The following UNC45A variants were observed in gnomAD, a reference collection of about 807,000 sequenced individuals.
UNC45A encodes unc-45 myosin chaperone A.
Under a neutral mutation model 103.2 loss-of-function variants are expected in UNC45A, and 78 were observed. The observed-to-expected ratio is 0.76, with a 90% CI of 0.63 to 0.91. UNC45A has a LOEUF of 0.91. UNC45A is among the 40% of genes least tolerant of loss of function. The pLI is 0.00. For synonymous variants in UNC45A, 495 were observed against 504.6 expected, an observed-to-expected ratio of 0.98 and a Z score of 0.25; for missense variants, 1,193 against 1,224.8, an observed-to-expected ratio of 0.97 and a Z score of 0.39.
chr15:90,936,225 C>G, intron 3 of UNC45A, 60 bp from the exon 4 acceptor site: 1 of 1,557,786 alleles, frequency 6.4e-7, no homozygotes, highest in Non-Finnish European at 8.7e-7. Context: ...TCTTTCCCTA[C>G]TGCTCTTGCC....
Position 90,946,870 on chromosome 15 carries a change from T to C in UNC45A, c.1456T>C (p.Tyr486His). 1.2e-6 allele frequency: 2 copies of C among 1,605,860 alleles called. No homozygotes were observed. The highest frequency in any genetic ancestry group is 1.7e-6 in the Non-Finnish European group (2 of 1,174,974). ...ANGVSLLKDLYKCSEKDSIRI... is the reference protein window; with the variant it reads ...ANGVSLLKDLHKCSEKDSIRI... ...TGGTGTCTCGCTGCTGAAGGACCTA[T>C]ATAAGTGCAGCGAGAAGGACAGCAT... The change falls in exon 10 of 20, where the codon TAT becomes CAT. Residue 486 changes from tyrosine to histidine, a missense_variant. Transcript: ENST00000418476.
chr15:90,942,468 G>A lies in UNC45A; in HGVS notation c.719G>A (p.Arg240Gln), dbSNP rs145502142. The change falls in exon 7 of 20, where the codon CGG becomes CAG. Residue 240 changes from arginine (R) to glutamine (Q), a missense_variant. Coordinates refer to ENST00000418476, the MANE Select transcript of UNC45A (RefSeq NM_018671.5). Reference protein sequence around the residue: ...TVATLSILGTRRVVSILGVES... With the variant: ...TVATLSILGTQRVVSILGVES... Reference sequence around the variant, plus strand: ...GCAACCCTGAGCATACTGGGAACTCGGCGAGTAGTCTCCATCCTGGGCGTG... The same window carrying A: ...GCAACCCTGAGCATACTGGGAACTCAGCGAGTAGTCTCCATCCTGGGCGTG... 570 of 1,613,748 alleles carry A rather than the reference G, an allele frequency of 3.5e-4. No individual in the cohort carries two copies. The highest frequency in any genetic ancestry group is 4.5e-4 in the Non-Finnish European group (534 of 1,179,942).
chr15:90,951,790 C>G (rs1005529426), intron 17 of UNC45A, among the ~76,000 whole-genome samples: 1 of 152,012 alleles, frequency 6.6e-6, no homozygotes, highest in African/African-American at 2.4e-5. Context: ...TGGTGGCGTG[C>G]ACCTGTAGTC....
At chr15:90,941,918 TACTGCAC>T (rs2036310268) in intron 6 of UNC45A, among the ~76,000 whole-genome samples, 1 of 139,052 alleles carries the variant, frequency 7.2e-6, no homozygotes, top group South Asian at 2.2e-4. Flanking sequence ...CAGATCGCGC[TACTGCAC>T]TCCAGCCTGG....
Position 90,940,419 on chromosome 15 carries a change from C to T in UNC45A, c.633C>T (p.Leu211=), listed in dbSNP as rs780526590. 1.2e-6 allele frequency: 2 copies of T among 1,614,110 alleles called. No individual in the cohort carries two copies. Among genetic ancestry groups the T allele is most frequent in the Admixed American group, 1.7e-5 (1 of 60,016 alleles). Residue 211 remains leucine (L), a synonymous_variant, in exon 6 of 20, where the codon CTC becomes CTT. Transcript: ENST00000418476. ...TACTGGACATGGGAGAGACTGACCTCATGCTGGCGGCTCTGCGTACGCTGG... is the reference window on the plus strand; with the variant it reads ...TACTGGACATGGGAGAGACTGACCTTATGCTGGCGGCTCTGCGTACGCTGG... ...QRLLDMGETD[L]MLAALRTLVG... is the part of the protein sequence containing the mutation.
At chr15:90,933,120 G>A (rs1209173780), upstream of UNC45A, 1 of 151,848 alleles carries the variant, frequency 6.6e-6, no homozygotes, top group East Asian at 2.0e-4. Flanking sequence ...AGCCTTCCCT[G>A]GGAGCCCTGC....
chr15:90,942,837 T>G, intron 7 of UNC45A, 75 bp from the exon 8 acceptor site: 1 of 1,529,734 alleles, frequency 6.5e-7, no homozygotes, highest in Non-Finnish European at 8.8e-7. Context: ...GTCTCCCTGG[T>G]TTGTTGGAGA....
intron 8 of UNC45A, among the ~76,000 whole-genome samples, chr15:90,944,472 G>A (rs1466973296): frequency 3.9e-5 from 6 of 151,978 alleles, no homozygotes; most frequent in East Asian, 1.9e-4. Context: ...TGTGGATATC[G>A]TGTTCACAGT....
At chr15:90,948,002 G>T in intron 11 of UNC45A, 112 bp downstream of exon 11, 1 of 1,492,906 alleles carries the variant, frequency 6.7e-7, no homozygotes, top group East Asian at 2.3e-5. Flanking sequence ...TCAGGCAGGG[G>T]CTGCAGTCTG....
rs150087053 is a variant in UNC45A at position 90,937,138 on chromosome 15, G to C, written c.426+678G>C. Among the ~76,000 whole-genome samples, 3 of 152,320 alleles carry C rather than the reference G, an allele frequency of 2.0e-5. No homozygotes were observed. The East Asian group carries it at 5.8e-4, about 29-fold the overall frequency. On this transcript the variant is annotated intron_variant, in intron 4 of 19. Coordinates refer to ENST00000418476, the MANE Select transcript of UNC45A (RefSeq NM_018671.5). ...AGATGGGATGATCACTGGAGGCCAG[G>C]AGTTTGAGACCAGCCTGGGCAACAT...
chr15:90,951,566 A>G (rs1340312132), intron 17 of UNC45A, among the ~76,000 whole-genome samples: 1 of 151,900 alleles, frequency 6.6e-6, no homozygotes, highest in East Asian at 1.9e-4. Context: ...AGTTCAGGCC[A>G]GCCTGAGCAG....
Position 90,949,709 on chromosome 15 carries a change from G to A in UNC45A, c.2062G>A (p.Gly688Arg), listed in dbSNP as rs774161264. 15 of 1,614,060 alleles carry A rather than the reference G, an allele frequency of 9.3e-6. No individual in the cohort carries two copies. The highest frequency in any genetic ancestry group is 1.3e-5 in the Non-Finnish European group (15 of 1,180,028). The change falls in exon 15 of 20, where the codon GGA becomes AGA. Residue 688 changes from glycine to arginine, a missense_variant. Transcript: ENST00000418476. Reference sequence around the variant, plus strand: ...GGACCGAGGCACTGTGGTTGCCCAGGGAGGCGGCAGGGTAAGCTGGTTTAC... The same window carrying A: ...GGACCGAGGCACTGTGGTTGCCCAGAGAGGCGGCAGGGTAAGCTGGTTTAC... ...VEDRGTVVAQ[G>R]GGRALIPLAL... is the part of the protein sequence containing the mutation.
At chr15:90,932,659 T>C (rs532615883), upstream of UNC45A, 1,193 of 534,078 alleles carry the variant, frequency 2.2e-3, 1 homozygote, top group Non-Finnish European at 3.0e-3. Flanking sequence ...GAGTTGGGCC[T>C]GCCCCAGATG....
chr15:90,940,278 A>G, intron 5 of UNC45A, 28 bp from the exon 6 acceptor site: 1 of 1,601,400 alleles, frequency 6.2e-7, no homozygotes, highest in East Asian at 2.2e-5. Context: ...TGCAGTGTCA[A>G]CATTATAATG....
At chr15:90,935,157 G>A (rs1298714769), upstream of UNC45A, 3 of 675,528 alleles carry the variant, frequency 4.4e-6, no homozygotes, top group Non-Finnish European at 7.6e-6. Context: ...GCGATCCAGA[G>A]CCAAGCGCCC....
upstream of UNC45A, chr15:90,931,897 ATCC>A: frequency 1.2e-6 from 2 of 1,613,934 alleles, no homozygotes; most frequent in Non-Finnish European, 1.7e-6. Flanking sequence ...GCTCCACCTC[ATCC>A]AGGGTGGTGT....
chr15:90,948,794 G>A lies in UNC45A; in HGVS notation c.1878G>A (p.Lys626=), dbSNP rs1363133315. The A allele has an allele frequency of 6.2e-7, 1 of 1,601,886 alleles. No individual in the cohort carries two copies. The highest frequency in any genetic ancestry group is 2.3e-5 in the East Asian group (1 of 44,418). The change falls in exon 13 of 20, where the codon AAG becomes AAA. Residue 626 remains lysine (K), a splice_region_variant and synonymous_variant. Coordinates refer to ENST00000418476, the MANE Select transcript of UNC45A (RefSeq NM_018671.5). ...AKQHVPEQHP[K]DKPSFVRARV... Reference sequence around the variant, plus strand: ...AGCATGTGCCCGAGCAGCACCCCAAGGTGAGGGGCCGCCAGAGGGGCTAGA... The same window carrying A: ...AGCATGTGCCCGAGCAGCACCCCAAAGTGAGGGGCCGCCAGAGGGGCTAGA...
chr15:90,931,149 C>CT (rs2035774956), upstream of UNC45A: 3 of 1,202,590 alleles, frequency 2.5e-6, no homozygotes, highest in Non-Finnish European at 2.3e-6. Context: ...AAATGCAAGT[C>CT]TTTTTTTGGC....
At chr15:90,939,581 T>A in intron 4 of UNC45A, 150 bp from the exon 5 acceptor site, 1 of 700,286 alleles carries the variant, frequency 1.4e-6, no homozygotes, top group Non-Finnish European at 2.4e-6. Context: ...CAGGCAAGTC[T>A]CTTCCTGCCC....
Sources: gnomAD v4.1 joint callset for allele counts (sites outside exome capture counted in the v4.1 genomes callset) on GRCh38, gnomAD v4.1.1 for gene constraint, MANE v1.5 for transcripts, NCBI Gene and HGNC (gene_info 2026-07-23, HGNC 2026-07-21) for gene names.